Variants in DYRK1B observed in about 807,000 individuals in gnomAD.
DYRK1B encodes dual specificity tyrosine-phosphorylation-regulated kinase 1B.
A neutral mutation model predicts 57.1 loss-of-function variants in DYRK1B; 20 were observed. The ratio of observed to expected loss-of-function variants is 0.35; its 90% confidence interval spans 0.25 to 0.51. DYRK1B has a LOEUF of 0.51. Ranked by LOEUF, DYRK1B falls within the 20% of genes least tolerant of loss-of-function variation. The pLI, the probability that DYRK1B is intolerant of heterozygous loss-of-function variation, is 0.96. For synonymous variants in DYRK1B, 409 were observed against 384.7 expected, an observed-to-expected ratio of 1.06 and a Z score of -0.74; for missense variants, 732 against 886.3, an observed-to-expected ratio of 0.83 and a Z score of 2.21.
In DYRK1B at chr19:39,828,922, T is replaced by TAAAGTAAACGGAAGTATCC. The variant is rs1408666695; in HGVS notation, c.521-340_521-339insGGATACTTCCGTTTACTTT. Among the ~76,000 whole-genome samples, 199 of 152,374 alleles carry TAAAGTAAACGGAAGTATCC rather than the reference T, an allele frequency of 1.3e-3. 1 individual carries two copies. Among genetic ancestry groups the TAAAGTAAACGGAAGTATCC allele is most frequent in the African/African-American group, 4.7e-3 (195 of 41,602 alleles). On this transcript the variant is annotated intron_variant, in intron 5 of 10. Coordinates refer to ENST00000323039, the MANE Select transcript of DYRK1B (RefSeq NM_004714.3). The surrounding 1 kb of genome is among the most constrained non-coding windows in gnomAD (Gnocchi z 4.3). The stretch of plus-strand genomic sequence containing the variant: ...CAAAGGACACTGGTTTTCCGTTTAC[T>TAAAGTAAACGGAAGTATCC]TTAAGGATATACGTTTTCCTTTCAA...
In DYRK1B at chr19:39,826,025, T is replaced by A. The variant is rs1321251680; in HGVS notation, c.1580A>T (p.Gln527Leu). The change falls in exon 11 of 11, where the codon CAA becomes CTA. Residue 527 changes from glutamine (Q) to leucine (L), a missense_variant. Coordinates refer to ENST00000323039, the MANE Select transcript of DYRK1B (RefSeq NM_004714.3). The surrounding 1 kb of genome is among the most constrained non-coding windows in gnomAD (Gnocchi z 6.3). ...CAGTGACGAGGCAGAGGCAGGGGCT[T>A]GATGTGTCTTGTGGGGCACATCACC... Reference protein sequence around the residue: ...AGGDVPHKTHQAPASASSLPG... With the variant: ...AGGDVPHKTHLAPASASSLPG... The A allele has an allele frequency of 1.3e-6, 2 of 1,521,814 alleles. No individual in the cohort carries two copies. The highest frequency in any genetic ancestry group is 2.8e-5 in the African/African-American group (2 of 71,682). 94.3% of individuals were successfully genotyped at this position (1,521,814 alleles called of 1,614,324 possible). A position where few individuals can be genotyped will look rare whatever the true frequency, so the allele number is the denominator to read the frequency against.
At chr19:39,832,373 C>G (rs1248194066) in intron 1 of DYRK1B, among the ~76,000 whole-genome samples, 3 of 152,064 alleles carry the variant, frequency 2.0e-5, no homozygotes, top group Non-Finnish European at 4.4e-5. Context: ...TCGTGGCCCT[C>G]CCCAGGGCCC....
rs978898688 is a variant in DYRK1B at position 39,828,695 on chromosome 19, C to T, written c.521-112G>A. ...TACTAGCCACATTGTGCTGTCCCCA[C>T]GGGTACCATCTGCTAGTCAAAATCT... is the stretch of plus-strand genomic sequence containing the variant. On this transcript the variant is annotated intron_variant, in intron 5 of 10. Coordinates refer to ENST00000323039, the MANE Select transcript of DYRK1B (RefSeq NM_004714.3). This position sits in a 1 kb window ranked among gnomAD's most constrained non-coding sequence, Gnocchi z 4.3. 47 of 1,083,352 alleles carry T rather than the reference C, an allele frequency of 4.3e-5. No individual in the cohort carries two copies. The highest frequency in any genetic ancestry group is 5.8e-5 in the Non-Finnish European group (44 of 760,568). The allele number at this position is 1,083,352 out of a possible 1,614,324, so 67.1% of individuals were successfully genotyped here. A position where few individuals can be genotyped will look rare whatever the true frequency, so the allele number is the denominator to read the frequency against.
Position 39,830,410 on chromosome 19 carries a change from T to G in DYRK1B, c.337A>C (p.Ile113Leu). 6.2e-7 allele frequency: 1 copy of G among 1,614,132 alleles called. No individual in the cohort carries two copies. The highest frequency in any genetic ancestry group is 1.1e-5 in the South Asian group (1 of 91,078). The change falls in exon 4 of 11, where the codon ATT becomes CTT. Residue 113 changes from isoleucine (I) to leucine (L), a missense_variant. Transcript: ENST00000323039. ...SGERWLERYEIDSLIGKGSFG... is the reference protein window; with the variant it reads ...SGERWLERYELDSLIGKGSFG... ...GAGCCTTTGCCAATGAGCGAGTCAATTTCGTAGCGCTCCAGCCAGCGCTCG... is the reference window on the plus strand; with the variant it reads ...GAGCCTTTGCCAATGAGCGAGTCAAGTTCGTAGCGCTCCAGCCAGCGCTCG...
rs138666971 is a variant in DYRK1B at position 39,827,294 on chromosome 19, T to A, written c.1086A>T (p.Glu362Asp). The A allele has an allele frequency of 6.2e-7, 1 of 1,610,620 alleles. No individual in the cohort carries two copies. The highest frequency in any genetic ancestry group is 8.5e-7 in the Non-Finnish European group (1 of 1,177,576). The change falls in exon 8 of 11, where the codon GAA (glutamate) becomes GAT (aspartate). Residue 362 changes from glutamate to aspartate, a missense_variant. Coordinates refer to ENST00000323039, the MANE Select transcript of DYRK1B (RefSeq NM_004714.3). Reference sequence around the variant, plus strand: ...GGGGCAGGGGCCGCACCTTCCTGAGTTCTTTCGTCCTTCGTAGGGTCCAGC... The same window carrying A: ...GGGGCAGGGGCCGCACCTTCCTGAGATCTTTCGTCCTTCGTAGGGTCCAGC... ...GGGWTLRRTK[E>D]LRKDYQGPGT...
rs370695515 is a variant in DYRK1B, at chr19:39,826,781, C to T, written c.1302G>A (p.Thr434=). Reference sequence around the variant, plus strand: ...GGCCCGTGTTGGTGGCCTCGTCGGCCGTGCGGCGGAAGAAGCCGTGCTGCA... The same window carrying T: ...GGCCCGTGTTGGTGGCCTCGTCGGCTGTGCGGCGGAAGAAGCCGTGCTGCA... The part of the protein sequence containing the change: ...GALQHGFFRR[T]ADEATNTGPA... The change falls in exon 9 of 11, where the codon ACG becomes ACA. Residue 434 remains threonine (T), a synonymous_variant. Transcript: ENST00000323039. The surrounding 1 kb of genome is among the most constrained non-coding windows in gnomAD (Gnocchi z 6.3). 2.6e-4 allele frequency: 409 copies of T among 1,560,792 alleles called. 2 individuals carry two copies. In the African/African-American group the frequency reaches 3.4e-3, roughly 13 times the overall value.
In DYRK1B at chr19:39,825,370, G is replaced by A. The variant is rs771603562; in HGVS notation, c.*345C>T. 4.7e-4 allele frequency: 120 copies of A among 253,468 alleles called. No homozygotes were observed. The highest frequency in any genetic ancestry group is 8.6e-4 in the Non-Finnish European group (112 of 130,396). The allele number at this position is 253,468 out of a possible 1,614,324, so 15.7% of individuals were successfully genotyped here. A position where few individuals can be genotyped will look rare whatever the true frequency, so the allele number is the denominator to read the frequency against. On this transcript the variant is annotated 3_prime_UTR_variant, in exon 11 of 11. Transcript: ENST00000323039. ...AGGCATGTGAGAAAGCTCTTTACTG[G>A]GGGTACAGCGAGGAGGAGCAAGGCC... is the stretch of plus-strand genomic sequence containing the variant.
At chr19:39,827,795 G>A in intron 6 of DYRK1B, 139 bp from the exon 7 acceptor site, 1 of 1,114,872 alleles carries the variant, frequency 9.0e-7, no homozygotes, top group Non-Finnish European at 1.3e-6. Flanking sequence ...GCCATTATCA[G>A]CACCAATTTT....
chr19:39,826,935 G>A lies in DYRK1B; in HGVS notation c.1148C>T (p.Thr383Met), dbSNP rs966887968. 17 of 1,434,298 alleles carry A rather than the reference G, an allele frequency of 1.2e-5. No homozygotes were observed. The highest frequency in any genetic ancestry group is 2.8e-5 in the East Asian group (1 of 35,214). The allele number at this position is 1,434,298 out of a possible 1,614,324, so 88.8% of individuals were successfully genotyped here. ...CGCCCGCCGGCCCCCGGGCCCGCCC[G>A]TCTGCACGCCCAGCACCTCCTGCAG... ...RRLQEVLGVQ[T>M]GGPGGRRAGE... Residue 383 changes from threonine to methionine, a missense_variant, in exon 9 of 11, where the codon ACG becomes ATG. Around this residue, in one of 2 missense-constraint regions of DYRK1B, gnomAD observed 510 missense variants for 681.3 expected, o/e 0.75. Coordinates refer to ENST00000323039, the MANE Select transcript of DYRK1B (RefSeq NM_004714.3). This position sits in a 1 kb window ranked among gnomAD's most constrained non-coding sequence, Gnocchi z 6.3.
intron 1 of DYRK1B, 49 bp downstream of exon 1, chr19:39,833,973 GC>G (rs1430486661): frequency 1.9e-5 from 3 of 156,000 alleles, no homozygotes; most frequent in African/African-American, 7.2e-5. Context: ...ATCCCGTCCT[GC>G]CCACCTCCCT....
In DYRK1B at chr19:39,825,800, G is replaced by T. The variant is rs898849142; in HGVS notation, c.1805C>A (p.Pro602His). The T allele has an allele frequency of 6.3e-7, 1 of 1,586,962 alleles. No homozygotes were observed. The highest frequency in any genetic ancestry group is 8.6e-7 in the Non-Finnish European group (1 of 1,167,950). The change falls in exon 11 of 11, where the codon CCC (proline) becomes CAC (histidine). Residue 602 changes from proline (P) to histidine (H), a missense_variant. Pro to His is a moderately conservative substitution (Grantham distance 77). Coordinates refer to ENST00000323039, the MANE Select transcript of DYRK1B (RefSeq NM_004714.3). ...LRTRMTGGRP[P>H]LPPPDDPATL... ...GGCAGGGTCATCAGGAGGCGGGAGG[G>T]GTGGACGACCTCCAGTCATCCGAGT...
rs781197009 is a variant in DYRK1B, at chr19:39,830,766, C to G, written c.81G>C (p.Arg27=). Residue 27 remains arginine, a synonymous_variant, in exon 3 of 11, where the codon CGG becomes CGC. Coordinates refer to ENST00000323039, the MANE Select transcript of DYRK1B (RefSeq NM_004714.3). The stretch of plus-strand genomic sequence containing the variant: ...CCAGGGGCAGCCTCCGAGGCAGTAG[C>G]CGCACATCAGGCAATACCTGCAGGG... ...QEHTQVLPDV[R]LLPRRLPLAF... is the part of the protein sequence containing the mutation. The G allele has an allele frequency of 1.9e-6, 3 of 1,613,446 alleles. No individual in the cohort carries two copies. In the South Asian group the frequency reaches 3.3e-5, roughly 18 times the overall value.
rs1204513263 is a variant in DYRK1B at position 39,827,711 on chromosome 19, A to G, written c.808-55T>C. On this transcript the variant is annotated intron_variant, in intron 6 of 10. Transcript: ENST00000323039. ...AGCCTCCCCTACTGGTCCCACTGACACCCCCAAAGCTAAGAGGACCCAACT... is the reference window on the plus strand; with the variant it reads ...AGCCTCCCCTACTGGTCCCACTGACGCCCCCAAAGCTAAGAGGACCCAACT... 2.5e-6 allele frequency: 4 copies of G among 1,586,312 alleles called. No individual in the cohort carries two copies. The Admixed American group carries it at 6.8e-5, about 27-fold the overall frequency.
At chr19:39,832,583 T>G (rs1489207182) in intron 1 of DYRK1B, among the ~76,000 whole-genome samples, 1 of 152,136 alleles carries the variant, frequency 6.6e-6, no homozygotes. Context: ...CACATCAGCG[T>G]CCTTGGGGAC....
intron 4 of DYRK1B, 22 bp downstream of exon 4, chr19:39,830,353 G>C (rs746559079): frequency 6.2e-7 from 1 of 1,613,750 alleles, no homozygotes; most frequent in South Asian, 1.1e-5. Flanking sequence ...CTTGGATCAG[G>C]GTGGTGGGGG....
intron 8 of DYRK1B, 113 bp from the exon 9 acceptor site, chr19:39,827,100 C>G: frequency 8.7e-7 from 1 of 1,155,534 alleles, no homozygotes; most frequent in South Asian, 1.6e-5. Flanking sequence ...GAAAGAAAAG[C>G]TAAGAAGAGT....
chr19:39,827,374 T>A lies in DYRK1B; in HGVS notation c.1006A>T (p.Met336Leu). The change falls in exon 8 of 11, where the codon ATG (methionine) becomes TTG (leucine). Residue 336 changes from methionine (M) to leucine (L), a missense_variant. Met to Leu is a conservative substitution (Grantham distance 15, BLOSUM62 2). This residue lies in a region of DYRK1B where 510 missense variants were observed against 681.3 expected (regional missense o/e 0.75). Coordinates refer to ENST00000323039, the MANE Select transcript of DYRK1B (RefSeq NM_004714.3). ...VEVLGIPPAA[M>L]LDQAPKARKY... ...CGAGCCTTGGGCGCCTGGTCCAGCA[T>A]GGCGGCCGGTGGGATGCCCAGCACC... 6.2e-7 allele frequency: 1 copy of A among 1,613,628 alleles called. No homozygotes were observed. Among genetic ancestry groups the A allele is most frequent in the Non-Finnish European group, 8.5e-7 (1 of 1,179,678 alleles).
chr19:39,830,103 C>T, intron 4 of DYRK1B, 76 bp from the exon 5 acceptor site: 4 of 1,553,058 alleles, frequency 2.6e-6, no homozygotes, highest in Admixed American at 1.9e-5. Context: ...TCCCTCCAGG[C>T]AAGGAGACCC....
rs1204949761 is a variant in DYRK1B at position 39,830,565 on chromosome 19, T to TGCCC, written c.184-6_184-3dup. Reference sequence around the variant, plus strand: ...CCGCTTCTTCTTCGCATAGTATACCTGCCCAGCCAGCCAGCCAGGAGATGG... The same window carrying TGCCC: ...CCGCTTCTTCTTCGCATAGTATACCTGCCCGCCCAGCCAGCCAGCCAGGAGATGG... On this transcript the variant is annotated splice_polypyrimidine_tract_variant and splice_region_variant and intron_variant, in intron 3 of 10. Coordinates refer to ENST00000323039, the MANE Select transcript of DYRK1B (RefSeq NM_004714.3). The TGCCC allele has an allele frequency of 6.2e-7, 1 of 1,613,998 alleles. No individual in the cohort carries two copies. The highest frequency in any genetic ancestry group is 1.3e-5 in the African/African-American group (1 of 74,940).
Sources: allele counts gnomAD v4.1 joint callset (sites outside exome capture counted in the v4.1 genomes callset), GRCh38; gene constraint gnomAD v4.1.1; regional missense constraint gnomAD v4.1.1; non-coding constraint Gnocchi (gnomAD v3.1); transcripts MANE v1.5; gene names NCBI Gene and HGNC (gene_info 2026-07-23, HGNC 2026-07-21).